CRACDL: variants seen among roughly 807,000 people sequenced by gnomAD.
CRACDL encodes the protein CRACD like.
In CRACDL, 26 loss-of-function variants were observed where a neutral mutation model predicts 70.6. That is an observed-to-expected ratio of 0.37 (90% CI 0.27 to 0.51). The LOEUF (loss-of-function observed/expected upper bound fraction) is 0.51. Ranked by LOEUF, CRACDL falls within the 20% of genes least tolerant of loss-of-function variation. The pLI is 0.94. For synonymous variants in CRACDL, 618 were observed against 615.2 expected, an observed-to-expected ratio of 1.00 and a Z score of -0.07; for missense variants, 1,283 against 1,376.9, an observed-to-expected ratio of 0.93 and a Z score of 1.08.
chr2:98,802,998 CTTTTT>C (rs34784675), intron 7 of CRACDL, among the ~76,000 whole-genome samples: 76 of 128,236 alleles, frequency 5.9e-4, no homozygotes, highest in Non-Finnish European at 8.3e-5. Flanking sequence ...ACATGCCTGG[CTTTTT>C]TTTTTTTTTT....
chr2:98,905,766 T>A (rs1004524780), intron 1 of CRACDL, among the ~76,000 whole-genome samples: 1 of 152,006 alleles, frequency 6.6e-6, no homozygotes, highest in Non-Finnish European at 1.5e-5. Context: ...AACAGGCACA[T>A]GCCACCATGC....
chr2:98,911,305 C>T (rs1333684570), intron 1 of CRACDL, among the ~76,000 whole-genome samples: 1 of 152,194 alleles, frequency 6.6e-6, no homozygotes, highest in Non-Finnish European at 1.5e-5. Flanking sequence ...GGGAGGGTTT[C>T]TCCAGATGTG....
intron 1 of CRACDL, among the ~76,000 whole-genome samples, chr2:98,895,676 C>T (rs370486938): frequency 4.6e-5 from 7 of 152,228 alleles, no homozygotes; most frequent in African/African-American, 1.2e-4. Context: ...AATTAAAGCA[C>T]GGCAAGATTT....
In CRACDL at chr2:98,827,001, A is replaced by T. The variant is rs1211478453; in HGVS notation, c.709T>A (p.Ser237Thr). The T allele has an allele frequency of 9.9e-6, 16 of 1,613,522 alleles. No individual in the cohort carries two copies. Among genetic ancestry groups the T allele is most frequent in the Non-Finnish European group, 1.4e-5 (16 of 1,179,846 alleles). ...KLQVKPRNQRSSKMRRLSSRA... is the reference protein window; with the variant it reads ...KLQVKPRNQRTSKMRRLSSRA... ...GATGAGAGCCGCCTCATCTTACTCG[A>T]CCGCTGGTTGCGGGGCTTGACCTGG... The change falls in exon 6 of 10, where the codon TCG becomes ACG. Residue 237 changes from serine to threonine, a missense_variant. By Grantham distance (58) the Ser-to-Thr change is moderately conservative. Around this residue, in one of 2 missense-constraint regions of CRACDL, gnomAD observed 362 missense variants for 495.0 expected, o/e 0.73. Coordinates refer to ENST00000397899, the MANE Select transcript of CRACDL (RefSeq NM_207362.3).
intron 1 of CRACDL, among the ~76,000 whole-genome samples, chr2:98,911,452 G>C (rs187291174): frequency 6.6e-6 from 1 of 152,338 alleles, no homozygotes; most frequent in Admixed American, 6.5e-5. Flanking sequence ...GCTGAGGGCA[G>C]CAAGGTCCCC....
chr2:98,862,051 G>C (rs1013906724), intron 1 of CRACDL, among the ~76,000 whole-genome samples: 4 of 152,064 alleles, frequency 2.6e-5, no homozygotes, highest in Non-Finnish European at 5.9e-5. Context: ...AGATTTAATG[G>C]GCTGGTACCC....
At chr2:98,935,317 G>C (rs1304649059) in intron 1 of CRACDL, among the ~76,000 whole-genome samples, 1 of 152,150 alleles carries the variant, frequency 6.6e-6, no homozygotes, top group Non-Finnish European at 1.5e-5. Context: ...CTTCTGACTT[G>C]CATTTCAAAA....
At chr2:98,853,107 G>A (rs746063183) in intron 1 of CRACDL, among the ~76,000 whole-genome samples, 14 of 152,224 alleles carry the variant, frequency 9.2e-5, no homozygotes, top group Middle Eastern at 3.4e-3. Context: ...TCTCCAAAAT[G>A]GTGGAAAAGA....
intron 3 of CRACDL, among the ~76,000 whole-genome samples, chr2:98,833,641 C>T (rs113965204): frequency 4.6e-5 from 7 of 152,358 alleles, no homozygotes; most frequent in African/African-American, 1.4e-4. Context: ...CTTTCCTCAG[C>T]TCTGAACTCA....
chr2:98,804,513 G>T, intron 7 of CRACDL, among the ~76,000 whole-genome samples: 1 of 152,176 alleles, frequency 6.6e-6, no homozygotes, highest in East Asian at 1.9e-4. Flanking sequence ...CCGCCTTATT[G>T]TTTTAGCTCT....
intron 7 of CRACDL, among the ~76,000 whole-genome samples, chr2:98,818,230 A>G (rs1575341514): frequency 6.6e-6 from 1 of 152,198 alleles, no homozygotes; most frequent in South Asian, 2.1e-4. Flanking sequence ...TGCCTCGAGG[A>G]GCACAGACAC....
At position 98,821,989 on chromosome 2, in the gene CRACDL, G is replaced by C. The variant is rs760966168; in HGVS notation, c.2284C>G (p.Leu762Val). The change falls in exon 7 of 10, where the codon CTG becomes GTG. Residue 762 changes from leucine to valine, a missense_variant. By Grantham distance (32) the Leu-to-Val change is conservative (BLOSUM62 1). Around this residue, in one of 2 missense-constraint regions of CRACDL, gnomAD observed 921 missense variants for 881.9 expected, o/e 1.04. Transcript: ENST00000397899. ...CTCTGCAGAAGCGGCTTCCGGGGCA[G>C]GGGCGGCTTGGAGCTGAGCGGCTCG... ...PPEPLSSKPP[L>V]PRKPLLQSFT... The C allele has an allele frequency of 1.6e-4, 239 of 1,529,610 alleles. No homozygotes were observed. The highest frequency in any genetic ancestry group is 1.0e-3 in the Middle Eastern group (6 of 5,866). 94.8% of individuals were successfully genotyped at this position (1,529,610 alleles called of 1,614,324 possible). A position where few individuals can be genotyped will look rare whatever the true frequency, so the allele number is the denominator to read the frequency against.
intron 1 of CRACDL, among the ~76,000 whole-genome samples, chr2:98,879,281 C>T (rs1381073263): frequency 1.3e-5 from 2 of 152,176 alleles, no homozygotes; most frequent in Admixed American, 6.5e-5. Context: ...AACCTGCACT[C>T]GCTTTTATTA....
chr2:98,862,654 T>C (rs1258701587), intron 1 of CRACDL, among the ~76,000 whole-genome samples: 1 of 152,078 alleles, frequency 6.6e-6, no homozygotes, highest in East Asian at 1.9e-4. Context: ...AAAAATTCAC[T>C]AGAGGAATTC....
chr2:98,842,715 C>T (rs1474773580), intron 2 of CRACDL, among the ~76,000 whole-genome samples: 1 of 152,160 alleles, frequency 6.6e-6, no homozygotes, highest in Non-Finnish European at 1.5e-5. Flanking sequence ...ATTAGAGGCT[C>T]ACTCATGTTA....
In CRACDL at chr2:98,822,764, C is replaced by T. The variant is rs1370311777; in HGVS notation, c.1509G>A (p.Ala503=). 2 of 1,273,664 alleles carry T rather than the reference C, an allele frequency of 1.6e-6. No homozygotes were observed. Among genetic ancestry groups the T allele is most frequent in the Non-Finnish European group, 2.0e-6 (2 of 1,014,404 alleles). The allele number at this position is 1,273,664 out of a possible 1,614,324, so 78.9% of individuals were successfully genotyped here. ...APKSCLKHRP[A]AASEGPAASP... ...ACGCGGCGGGGCCCTCGCTGGCGGC[C>T]GCGGGCCGGTGTTTCAGGCAGCTCT... Residue 503 remains alanine (A), a synonymous_variant, in exon 7 of 10, where the codon GCG becomes GCA. Transcript: ENST00000397899. The surrounding 1 kb of genome is among the most constrained non-coding windows in gnomAD (Gnocchi z 4.9).
Position 98,796,283 on chromosome 2 carries a change from C to G in CRACDL, c.2605-19G>C. ...CAGGCTCCTGTTGGGACATAAGACA[C>G]ATGCTGCCAAGTTAACAATGATTCA... On this transcript the variant is annotated intron_variant, in intron 8 of 9. Transcript: ENST00000397899. The G allele has an allele frequency of 6.2e-7, 1 of 1,607,822 alleles. No homozygotes were observed. The highest frequency in any genetic ancestry group is 8.5e-7 in the Non-Finnish European group (1 of 1,174,570).
intron 2 of CRACDL, among the ~76,000 whole-genome samples, chr2:98,845,085 C>T (rs543622440): frequency 7.9e-5 from 12 of 152,294 alleles, no homozygotes; most frequent in African/African-American, 2.9e-4. Flanking sequence ...TCACCTTCCA[C>T]CCCATGAAGA....
chr2:98,795,077 A>ATTTTTTTTTTTTTTTTTTTTT (rs1181969802), intron 9 of CRACDL, among the ~76,000 whole-genome samples: 2 of 58,494 alleles, frequency 3.4e-5, no homozygotes, highest in Admixed American at 2.2e-4. Context: ...ATATATATAT[A>ATTTTTTTTTTTTTTTTTTTTT]TTTTTTTTTT....
Sources: gnomAD v4.1 joint callset for allele counts (sites outside exome capture counted in the v4.1 genomes callset) on GRCh38, gnomAD v4.1.1 for gene constraint, gnomAD v4.1.1 regional missense constraint, Gnocchi (gnomAD v3.1) non-coding constraint, MANE v1.5 for transcripts, NCBI Gene and HGNC (gene_info 2026-07-23, HGNC 2026-07-21) for gene names.